Variants in PCDHA1 observed in about 807,000 individuals in gnomAD.
The protein encoded by PCDHA1 is protocadherin alpha-1.
PCDHA1 carries 42 observed loss-of-function variants against 61.3 expected under a neutral mutation model. The observed-to-expected ratio is 0.69, with a 90% CI of 0.54 to 0.89. The LOEUF is 0.89. Ranked by LOEUF, PCDHA1 falls within the 40% of genes least tolerant of loss-of-function variation. PCDHA1 has a pLI of 0.00. For synonymous variants in PCDHA1, 610 were observed against 553.8 expected (o/e 1.10, Z -1.43); for missense variants, 1,256 against 1,235.3 (o/e 1.02, Z -0.25).
At chr5:140,979,175 A>C in intron 2 of PCDHA1, 168 bp downstream of exon 2, 8 of 951,628 alleles carry the variant, frequency 8.4e-6, no homozygotes, top group Non-Finnish European at 1.0e-5. Flanking sequence ...AAAGATCGCA[A>C]ATGGTCAGTG....
intron 1 of PCDHA1, among the ~76,000 whole-genome samples, chr5:140,920,983 T>C (rs1472212249): frequency 6.6e-6 from 1 of 152,106 alleles, no homozygotes; most frequent in Non-Finnish European, 1.5e-5. Context: ...AATATTGTAT[T>C]TGCTTATTTT....
chr5:140,834,588 A>G (rs2150222080), intron 1 of PCDHA1: 1 of 1,614,122 alleles, frequency 6.2e-7, no homozygotes, highest in Non-Finnish European at 8.5e-7. Flanking sequence ...GGCGGTGTGC[A>G]AATTCCGTGG....
Position 140,829,198 on chromosome 5 carries a change from C to A in PCDHA1, c.2394+40514C>A, listed in dbSNP as rs2150163699. On this transcript the variant is annotated intron_variant, in intron 1 of 3. Transcript: ENST00000504120. ...AAGACGCTCAATTTGGTACTGTCATCGCCCTAATTAGCGTGAACGACCTCG... is the reference window on the plus strand; with the variant it reads ...AAGACGCTCAATTTGGTACTGTCATAGCCCTAATTAGCGTGAACGACCTCG... The A allele has an allele frequency of 1.6e-5, 26 of 1,614,214 alleles. No individual in the cohort carries two copies. In the Admixed American group the frequency reaches 2.2e-4, roughly 13 times the overall value.
chr5:140,968,807 G>C (rs1327580375), intron 1 of PCDHA1: 1 of 1,614,178 alleles, frequency 6.2e-7, no homozygotes, highest in Non-Finnish European at 8.5e-7. Flanking sequence ...AGTAGCTGTG[G>C]TGGATAGGGT....
At chr5:140,801,112 G>A in intron 1 of PCDHA1, 1 of 1,512,952 alleles carries the variant, frequency 6.6e-7, no homozygotes, top group Non-Finnish European at 8.8e-7. Flanking sequence ...ACACCGAGGA[G>A]TTTAAGAAAT....
chr5:140,837,733 GT>G (rs1775232652), intron 1 of PCDHA1, among the ~76,000 whole-genome samples: 1 of 151,046 alleles, frequency 6.6e-6, no homozygotes, highest in Non-Finnish European at 1.5e-5. Context: ...CTGAAATGCA[GT>G]GGTGGGATTA....
chr5:140,971,290 A>G (rs2096467357), intron 1 of PCDHA1, among the ~76,000 whole-genome samples: 1 of 152,204 alleles, frequency 6.6e-6, no homozygotes, highest in East Asian at 1.9e-4. Context: ...ATTAATATGT[A>G]CTTTGGTACA....
chr5:140,991,924 A>T (rs1028386420), intron 3 of PCDHA1, among the ~76,000 whole-genome samples: 1 of 152,140 alleles, frequency 6.6e-6, no homozygotes, highest in Non-Finnish European at 1.5e-5. Context: ...GTAACATAAC[A>T]TATTCACAAG....
intron 3 of PCDHA1, among the ~76,000 whole-genome samples, chr5:140,993,190 CTCACTAAAGCTAATTTTTT>C (rs2097544277): frequency 6.6e-6 from 1 of 152,022 alleles, no homozygotes; most frequent in Non-Finnish European, 1.5e-5. Flanking sequence ...TAGAGGGAAA[CTCACTAAAGCTAATTTTTT>C]TAGCTTTTTG....
intron 1 of PCDHA1, chr5:140,797,027 G>T (rs1554120257): frequency 1.2e-6 from 2 of 1,613,724 alleles, no homozygotes; most frequent in East Asian, 2.2e-5. Flanking sequence ...GGCGCCGCGG[G>T]CTCAGAGGCT....
At chr5:140,961,936 T>C (rs1163967895) in intron 1 of PCDHA1, among the ~76,000 whole-genome samples, 1 of 151,364 alleles carries the variant, frequency 6.6e-6, no homozygotes, top group Non-Finnish European at 1.5e-5. Flanking sequence ...CAGGCTGGAG[T>C]GCAGTGGCAT....
chr5:140,873,031 G>A (rs782124612), intron 1 of PCDHA1, among the ~76,000 whole-genome samples: 3 of 152,110 alleles, frequency 2.0e-5, no homozygotes, highest in East Asian at 1.9e-4. Context: ...CTTACTACAC[G>A]TAGAGTGGTG....
chr5:140,788,037 C>T lies in PCDHA1; in HGVS notation c.1747C>T (p.Arg583Ter), dbSNP rs1554118093. Residue 583 changes from arginine to a stop codon, truncating the protein, a stop_gained, in exon 1 of 4, where the codon CGA becomes TGA. Transcript: ENST00000504120. LOFTEE classifies it high-confidence loss of function. ...TIGAVSELVP[R>*]LVGAGHVVAK... ...TGGTGCAGTCAGTGAGCTGGTGCCG[C>T]GATTGGTGGGTGCGGGTCATGTGGT... The T allele has an allele frequency of 1.2e-6, 2 of 1,613,878 alleles. No homozygotes were observed. Among genetic ancestry groups the T allele is most frequent in the Admixed American group, 3.3e-5 (2 of 60,004 alleles).
chr5:140,934,523 C>T (rs782685676), intron 1 of PCDHA1, among the ~76,000 whole-genome samples: 15 of 152,236 alleles, frequency 9.9e-5, no homozygotes, highest in South Asian at 8.3e-4. Context: ...GACCACACTT[C>T]GAGAGCTACC....
chr5:140,856,759 C>T lies in PCDHA1; in HGVS notation c.2394+68075C>T, dbSNP rs148775418. On this transcript the variant is annotated intron_variant, in intron 1 of 3. Coordinates refer to ENST00000504120, the MANE Select transcript of PCDHA1 (RefSeq NM_018900.4). ...TCCTGGTGTTAGATGCCAATGATAA[C>T]GCCCCTATCTTTGACAGACCGGTTT... 33 of 1,596,270 alleles carry T rather than the reference C, an allele frequency of 2.1e-5. 4 individuals carry two copies. Among genetic ancestry groups the T allele is most frequent in the Non-Finnish European group, 2.6e-5 (30 of 1,166,452 alleles).
At chr5:140,862,926 G>C in intron 1 of PCDHA1, 1 of 546,060 alleles carries the variant, frequency 1.8e-6, no homozygotes, top group South Asian at 1.4e-5. Context: ...GGGTGGGCTG[G>C]CGGCGCTGTG....
intron 1 of PCDHA1, among the ~76,000 whole-genome samples, chr5:140,879,850 T>C (rs935829286): frequency 3.3e-5 from 5 of 152,230 alleles, no homozygotes; most frequent in Non-Finnish European, 5.9e-5. Flanking sequence ...CACTCCCATC[T>C]CAGCCTTCTC....
At chr5:140,790,085 C>T (rs1761568065) in intron 1 of PCDHA1, among the ~76,000 whole-genome samples, 1 of 152,054 alleles carries the variant, frequency 6.6e-6, no homozygotes, top group African/African-American at 2.4e-5. Context: ...GAAAAAATAA[C>T]AATAAAAGGA....
intron 1 of PCDHA1, chr5:140,968,057 C>T (rs781959040): frequency 1.5e-5 from 24 of 1,613,992 alleles, no homozygotes; most frequent in East Asian, 6.7e-5. Context: ...GGACCGAGAG[C>T]GGGTGGCTGT....
Sources: allele counts gnomAD v4.1 joint callset (sites outside exome capture counted in the v4.1 genomes callset), GRCh38; gene constraint gnomAD v4.1.1; transcripts MANE v1.5; gene names NCBI Gene and HGNC (gene_info 2026-07-23, HGNC 2026-07-21).